Variants in PRKN observed in about 807,000 individuals in gnomAD.
PRKN encodes the protein parkin RBR E3 ubiquitin protein ligase.
PRKN carries 56 observed loss-of-function variants against 59.5 expected under a neutral mutation model. The ratio of observed to expected loss-of-function variants is 0.94; its 90% CI spans 0.76 to 1.18. The LOEUF (loss-of-function observed/expected upper bound fraction) is 1.18. PRKN is among the 50% of genes most tolerant of loss of function. PRKN has a pLI of 0.00. For missense variants in PRKN, 657 were observed against 596.4 expected, an observed-to-expected ratio of 1.10 and a Z score of -1.06; for synonymous variants, 250 against 222.1, an observed-to-expected ratio of 1.13 and a Z score of -1.12.
intron 5 of PRKN, among the ~76,000 whole-genome samples, chr6:162,021,468 T>A (rs1248773810): frequency 2.1e-3 from 196 of 92,644 alleles, no homozygotes; most frequent in African/African-American, 7.2e-3. Context: ...TATATTTTTT[T>A]TTTTTTTTTC....
chr6:161,870,154 T>C (rs150520475), intron 6 of PRKN, among the ~76,000 whole-genome samples: 85 of 152,248 alleles, frequency 5.6e-4, no homozygotes, highest in African/African-American at 1.9e-3. Context: ...TCAGGCACGT[T>C]CAGGGTGGTA....
At chr6:161,558,627 T>C (rs761395) in intron 8 of PRKN, among the ~76,000 whole-genome samples, 66,043 of 151,430 alleles carry the variant, frequency 0.44, 16,088 homozygotes, top group Middle Eastern at 0.6. Flanking sequence ...TAATGAAAAA[T>C]AGTTTATTAT....
At chr6:162,523,895 A>G (rs1474066918) in intron 1 of PRKN, among the ~76,000 whole-genome samples, 1 of 152,126 alleles carries the variant, frequency 6.6e-6, no homozygotes, top group African/African-American at 2.4e-5. Flanking sequence ...TGAGGATCAA[A>G]ACTATAAGGA....
intron 1 of PRKN, among the ~76,000 whole-genome samples, chr6:162,718,021 T>C (rs1294339160): frequency 6.6e-6 from 1 of 152,162 alleles, no homozygotes; most frequent in Non-Finnish European, 1.5e-5. Flanking sequence ...AATTTGCCGG[T>C]ATACTTCCTG....
intron 1 of PRKN, among the ~76,000 whole-genome samples, chr6:162,677,466 GAAAAAAA>G (rs10712151): frequency 3.3e-5 from 3 of 91,408 alleles, no homozygotes; most frequent in Non-Finnish European, 6.5e-5. Context: ...GCACTGTGGA[GAAAAAAA>G]AAAAAAAAAA....
intron 1 of PRKN, among the ~76,000 whole-genome samples, chr6:162,579,620 CACAT>C (rs199857618): frequency 0.021 from 3,095 of 150,606 alleles, 103 homozygotes; most frequent in African/African-American, 0.07. Context: ...CACAGATACA[CACAT>C]ACACACAAAT....
intron 3 of PRKN, among the ~76,000 whole-genome samples, chr6:162,259,056 A>C (rs548201511): frequency 1.3e-5 from 2 of 152,322 alleles, no homozygotes; most frequent in Admixed American, 1.3e-4. Context: ...CGAAGTTAAA[A>C]TTGAAGACTC....
At chr6:161,684,508 T>G (rs1335197301) in intron 7 of PRKN, among the ~76,000 whole-genome samples, 1 of 152,134 alleles carries the variant, frequency 6.6e-6, no homozygotes, top group African/African-American at 2.4e-5. Flanking sequence ...TGAAGAAAAA[T>G]TAAGTATATT....
intron 1 of PRKN, among the ~76,000 whole-genome samples, chr6:162,708,057 A>G (rs1778398825): frequency 6.6e-6 from 1 of 152,216 alleles, no homozygotes. Context: ...TGTAAGGGGA[A>G]AATAAACAAA....
chr6:162,352,141 A>G (rs1784651475), intron 2 of PRKN, among the ~76,000 whole-genome samples: 1 of 152,088 alleles, frequency 6.6e-6, no homozygotes, highest in South Asian at 2.1e-4. Context: ...GACTTCACAA[A>G]CAGCAGCACC....
At position 161,549,720 on chromosome 6, in the gene PRKN, C is replaced by T. The variant is rs9346864; in HGVS notation, c.934-717G>A. Among the ~76,000 whole-genome samples, 44,146 of 152,076 alleles carry T rather than the reference C, an allele frequency of 0.29. 6,724 individuals carry two copies. Among genetic ancestry groups the T allele is most frequent in the East Asian group, 0.47 (2,415 of 5,170 alleles). On this transcript the variant is annotated intron_variant, in intron 8 of 11. Transcript: ENST00000366898. This position sits in a 1 kb window ranked among gnomAD's most constrained non-coding sequence, Gnocchi z 6.0. ...AGGTCTTCTTTGTGGCAGCCCTACACTTTTGATCTTACATTATTTGTAATA... is the reference window on the plus strand; with the variant it reads ...AGGTCTTCTTTGTGGCAGCCCTACATTTTTGATCTTACATTATTTGTAATA...
chr6:162,465,467 A>T (rs899180667), intron 1 of PRKN, among the ~76,000 whole-genome samples: 1 of 152,210 alleles, frequency 6.6e-6, no homozygotes, highest in Non-Finnish European at 1.5e-5. Context: ...CATGTTAGAC[A>T]TAAATAGTGT....
At chr6:162,456,150 C>A (rs1363822093) in intron 1 of PRKN, among the ~76,000 whole-genome samples, 1 of 152,058 alleles carries the variant, frequency 6.6e-6, no homozygotes, top group Non-Finnish European at 1.5e-5. Context: ...ATAATAAAAT[C>A]TCTTCTATTC....
At chr6:162,157,658 A>T (rs186127112) in intron 4 of PRKN, among the ~76,000 whole-genome samples, 20 of 152,148 alleles carry the variant, frequency 1.3e-4, no homozygotes, top group African/African-American at 4.1e-4. Flanking sequence ...GATAATTTAT[A>T]ATCTGCTAAT....
Position 161,513,784 on chromosome 6 carries a change from G to A in PRKN, c.1083+35070C>T, listed in dbSNP as rs146278091. The stretch of plus-strand genomic sequence containing the variant: ...GGCGGGGAAAGCACTACTTTACAAC[G>A]AGCATGGGAGGTGGGCTTATCTCCC... On this transcript the variant is annotated intron_variant, in intron 9 of 11. Coordinates refer to ENST00000366898, the MANE Select transcript of PRKN (RefSeq NM_004562.3). Among the ~76,000 whole-genome samples the A allele has an allele frequency of 2.2e-3, 336 of 152,218 alleles. 2 individuals are homozygous for A. Among genetic ancestry groups the A allele is most frequent in the African/African-American group, 7.7e-3 (320 of 41,528 alleles).
chr6:161,841,208 A>G (rs1244744957), intron 6 of PRKN, among the ~76,000 whole-genome samples: 1 of 152,182 alleles, frequency 6.6e-6, no homozygotes, highest in Non-Finnish European at 1.5e-5. Flanking sequence ...GCTCCATGAA[A>G]CCCATTAGGT....
chr6:161,589,846 C>T (rs1296956863), intron 7 of PRKN, among the ~76,000 whole-genome samples: 1 of 144,700 alleles, frequency 6.9e-6, no homozygotes, highest in Non-Finnish European at 1.5e-5. Context: ...GTGGTGCAAT[C>T]TCAGCTCACT....
intron 7 of PRKN, among the ~76,000 whole-genome samples, chr6:161,680,740 TATATATATATATATATATATATATATATA>T (rs1187751597): frequency 5.3e-4 from 3 of 5,702 alleles, no homozygotes; most frequent in African/African-American, 8.1e-4. Flanking sequence ...TATATATATA[TATATATATATATATATATATATATATATA>T]TATATATTTT....
At chr6:162,706,917 A>G (rs758940502) in intron 1 of PRKN, among the ~76,000 whole-genome samples, 1 of 152,194 alleles carries the variant, frequency 6.6e-6, no homozygotes, top group Non-Finnish European at 1.5e-5. Flanking sequence ...AATTTGTTTG[A>G]AAACAACTTC....
Sources: gnomAD v4.1 joint callset for allele counts (sites outside exome capture counted in the v4.1 genomes callset) on GRCh38, gnomAD v4.1.1 for gene constraint, Gnocchi (gnomAD v3.1) non-coding constraint, MANE v1.5 for transcripts, NCBI Gene and HGNC (gene_info 2026-07-23, HGNC 2026-07-21) for gene names.